The following SGCZ variants were observed in gnomAD, a reference collection of about 807,000 sequenced individuals.
The protein encoded by SGCZ is sarcoglycan zeta.
A neutral mutation model predicts 41.3 loss-of-function variants in SGCZ; 40 were observed. The ratio of observed to expected loss-of-function variants is 0.97; its 90% CI spans 0.75 to 1.26. The LOEUF (loss-of-function observed/expected upper bound fraction) is 1.26. SGCZ is among the 50% of genes most tolerant of loss of function. SGCZ has a pLI of 0.00. For missense variants in SGCZ, 552 were observed against 369.8 expected, an observed-to-expected ratio of 1.49 and a Z score of -4.04; for synonymous variants, 206 against 137.5, an observed-to-expected ratio of 1.50 and a Z score of -3.49.
intron 1 of SGCZ, among the ~76,000 whole-genome samples, chr8:14,958,376 T>A (rs1367694328): frequency 6.6e-6 from 1 of 152,072 alleles, no homozygotes; most frequent in Non-Finnish European, 1.5e-5. Context: ...TTGTGGTATG[T>A]TCATACAATG....
intron 1 of SGCZ, among the ~76,000 whole-genome samples, chr8:14,801,150 G>A (rs1024264031): frequency 2.6e-5 from 4 of 152,088 alleles, no homozygotes; most frequent in Non-Finnish European, 4.4e-5. Context: ...AACGAAGATC[G>A]CATTGGTCAT....
At chr8:14,815,240 T>TTCC (rs1457245822) in intron 1 of SGCZ, among the ~76,000 whole-genome samples, 1 of 139,842 alleles carries the variant, frequency 7.2e-6, no homozygotes, top group Non-Finnish European at 1.5e-5. Flanking sequence ...TTATCTCAAT[T>TTCC]TTCTTTTTTT....
intron 1 of SGCZ, among the ~76,000 whole-genome samples, chr8:15,066,181 G>A (rs531066729): frequency 3.3e-5 from 5 of 151,932 alleles, no homozygotes; most frequent in South Asian, 4.2e-4. Context: ...GGTGGCGGGC[G>A]CCTGTAGTCC....
chr8:14,182,507 A>T (rs1237452942), intron 4 of SGCZ, among the ~76,000 whole-genome samples: 1 of 152,104 alleles, frequency 6.6e-6, no homozygotes, highest in East Asian at 1.9e-4. Context: ...TCATCTACTC[A>T]TCCAGCTGGA....
chr8:15,013,580 G>A (rs1802914973), intron 1 of SGCZ, among the ~76,000 whole-genome samples: 1 of 151,988 alleles, frequency 6.6e-6, no homozygotes, highest in Non-Finnish European at 1.5e-5. Flanking sequence ...AAAGCTAAAT[G>A]TGAAAGGCTG....
chr8:15,182,688 T>C (rs1391050832), intron 1 of SGCZ, among the ~76,000 whole-genome samples: 1 of 152,208 alleles, frequency 6.6e-6, no homozygotes, highest in African/African-American at 2.4e-5. Context: ...TCCTAGGACA[T>C]TACTATATAC....
chr8:14,409,427 T>C (rs531326113), intron 2 of SGCZ, among the ~76,000 whole-genome samples: 2 of 152,056 alleles, frequency 1.3e-5, no homozygotes, highest in Admixed American at 1.3e-4. Flanking sequence ...TATCCTCTAT[T>C]TTGGTCAGCT....
chr8:14,898,288 G>C (rs553934704), intron 1 of SGCZ, among the ~76,000 whole-genome samples: 1 of 152,248 alleles, frequency 6.6e-6, no homozygotes, highest in South Asian at 2.1e-4. Context: ...GAGGAGGAAA[G>C]ATCCAGGCAA....
At chr8:14,201,953 C>G (rs1237199290) in intron 4 of SGCZ, among the ~76,000 whole-genome samples, 1 of 152,148 alleles carries the variant, frequency 6.6e-6, no homozygotes, top group East Asian at 1.9e-4. Flanking sequence ...ATATGTAAGA[C>G]TTAAATTTTA....
chr8:14,680,089 T>C (rs369914139), intron 1 of SGCZ, among the ~76,000 whole-genome samples: 20 of 152,244 alleles, frequency 1.3e-4, no homozygotes, highest in African/African-American at 4.6e-4. Flanking sequence ...TATGTGTTTC[T>C]CAGAATGTAT....
At chr8:14,573,494 C>T (rs909157376) in intron 1 of SGCZ, among the ~76,000 whole-genome samples, 5 of 151,948 alleles carry the variant, frequency 3.3e-5, no homozygotes, top group African/African-American at 4.8e-5. Context: ...GGCCGCAAGT[C>T]TTTTTTTATT....
At position 14,462,243 on chromosome 8, in the gene SGCZ, C is replaced by CTA. The variant is rs569659247; in HGVS notation, c.234+92487_234+92488dup. On this transcript the variant is annotated intron_variant, in intron 2 of 7. Transcript: ENST00000382080. ...AGAAGACCTAAATATAAGCAACTAACTATACTAAATGGAAAAAACATATAG... is the reference window on the plus strand; with the variant it reads ...AGAAGACCTAAATATAAGCAACTAACTATATACTAAATGGAAAAAACATATAG... Among the ~76,000 whole-genome samples the CTA allele has an allele frequency of 5.9e-3, 891 of 151,574 alleles. 5 individuals are homozygous for CTA. The highest frequency in any genetic ancestry group is 8.1e-3 in the Non-Finnish European group (551 of 67,822).
At chr8:14,178,018 C>T (rs546325672) in intron 4 of SGCZ, among the ~76,000 whole-genome samples, 1 of 127,532 alleles carries the variant, frequency 7.8e-6, no homozygotes, top group South Asian at 2.5e-4. Flanking sequence ...AGTGCAGTGG[C>T]ATGATCCCGG....
At chr8:15,123,728 T>G (rs1338686088) in intron 1 of SGCZ, among the ~76,000 whole-genome samples, 1 of 152,188 alleles carries the variant, frequency 6.6e-6, no homozygotes, top group African/African-American at 2.4e-5. Flanking sequence ...ACCCTTATAC[T>G]TTCTCCCTAA....
chr8:14,923,230 G>C (rs1416384805), intron 1 of SGCZ, among the ~76,000 whole-genome samples: 1 of 152,186 alleles, frequency 6.6e-6, no homozygotes, highest in South Asian at 2.1e-4. Context: ...ACATTGGCCA[G>C]TGTAGGCAGC....
At chr8:15,108,571 T>C (rs1393712304) in intron 1 of SGCZ, among the ~76,000 whole-genome samples, 1 of 152,198 alleles carries the variant, frequency 6.6e-6, no homozygotes, top group Non-Finnish European at 1.5e-5. Context: ...TTTCAATACA[T>C]TTGATTCATA....
At chr8:14,199,164 T>C (rs1368103693) in intron 4 of SGCZ, among the ~76,000 whole-genome samples, 5 of 152,220 alleles carry the variant, frequency 3.3e-5, no homozygotes, top group Non-Finnish European at 5.9e-5. Context: ...TACTGCTGAA[T>C]TCTTTTTCTC....
At chr8:14,169,429 A>G (rs1036426629) in intron 4 of SGCZ, among the ~76,000 whole-genome samples, 11 of 152,120 alleles carry the variant, frequency 7.2e-5, no homozygotes, top group African/African-American at 2.7e-4. Flanking sequence ...TATTACCAGT[A>G]ACTTCCAAGT....
At chr8:14,548,589 C>T (rs1024664960) in intron 2 of SGCZ, among the ~76,000 whole-genome samples, 2 of 152,060 alleles carry the variant, frequency 1.3e-5, no homozygotes, top group Admixed American at 1.3e-4. Context: ...ACAAAACATA[C>T]ACCCCTGATT....
Sources: allele counts gnomAD v4.1 joint callset (sites outside exome capture counted in the v4.1 genomes callset), GRCh38; gene constraint gnomAD v4.1.1; transcripts MANE v1.5; gene names NCBI Gene and HGNC (gene_info 2026-07-23, HGNC 2026-07-21).